Variants in ASAP1 observed in about 807,000 individuals in gnomAD.
The protein encoded by ASAP1 is arf-GAP with SH3 domain, ANK repeat and PH domain-containing protein 1.
Under a neutral mutation model 145.2 loss-of-function variants are expected in ASAP1, and 43 were observed. The observed-to-expected ratio is 0.30, with a 90% confidence interval of 0.23 to 0.38. ASAP1 has a LOEUF of 0.38. Ranked by LOEUF, ASAP1 falls within the 10% of genes least tolerant of loss-of-function variation. The probability of loss-of-function intolerance (pLI) is 1.00; values close to 1 mark genes in which losing one functional copy is unlikely to be tolerated. For synonymous variants in ASAP1, 546 were observed against 515.5 expected (o/e 1.06, Z -0.80); for missense variants, 1,018 against 1,355.3 (o/e 0.75, Z 3.91).
chr8:130,168,418 G>A (rs923281194), intron 10 of ASAP1, among the ~76,000 whole-genome samples: 8 of 152,198 alleles, frequency 5.3e-5, no homozygotes, highest in Admixed American at 3.9e-4. Context: ...GCCAAGGCGG[G>A]TGGATCACTT....
chr8:130,057,872 A>G, intron 29 of ASAP1, 82 bp downstream of exon 29: 3 of 1,564,856 alleles, frequency 1.9e-6, no homozygotes, highest in South Asian at 1.1e-5. Flanking sequence ...CTTTTACTGC[A>G]CTGTCTGTAG....
At chr8:130,319,977 T>C (rs1477156104) in intron 3 of ASAP1, among the ~76,000 whole-genome samples, 1 of 152,236 alleles carries the variant, frequency 6.6e-6, no homozygotes, top group Admixed American at 6.5e-5. Context: ...ATATAATGCA[T>C]AGAAAAGTAC....
chr8:130,153,332 A>AATATATATATATATATATATAT, intron 12 of ASAP1, among the ~76,000 whole-genome samples: 1 of 87,516 alleles, frequency 1.1e-5, no homozygotes, highest in Admixed American at 1.3e-4. Flanking sequence ...CTGCTTTTTA[A>AATATATATATATATATATATAT]ATATATATAT....
At chr8:130,134,195 G>C in intron 15 of ASAP1, 101 bp downstream of exon 15, 2 of 879,182 alleles carry the variant, frequency 2.3e-6, no homozygotes, top group Non-Finnish European at 1.7e-6. Flanking sequence ...GAGCCACCAG[G>C]CGAGGTTCTT....
intron 24 of ASAP1, among the ~76,000 whole-genome samples, chr8:130,098,349 A>G (rs35256608): frequency 0.39 from 59,877 of 151,910 alleles, 12,643 homozygotes; most frequent in East Asian, 0.62. Context: ...CTCATCTTTA[A>G]ACACTTTTTT....
rs78005882 is a variant in ASAP1 at position 130,267,896 on chromosome 8, T to C, written c.187-30902A>G. 5.1e-3 allele frequency among the ~76,000 whole-genome samples: 776 copies of C among 152,240 alleles called. 7 individuals carry two copies. Among genetic ancestry groups the C allele is most frequent in the African/African-American group, 0.017 (723 of 41,530 alleles). On this transcript the variant is annotated intron_variant, in intron 3 of 29. Coordinates refer to ENST00000518721, the MANE Select transcript of ASAP1 (RefSeq NM_018482.4). ...GAACTGGTAGGAGCAGCTGAAAAAG[T>C]AGTCTTTCCTAAAACCATGAACCTT...
intron 27 of ASAP1, among the ~76,000 whole-genome samples, chr8:130,071,009 G>GAGAGAGAGAGAGAGAGAGAGA: frequency 1.4e-4 from 1 of 7,012 alleles, no homozygotes; most frequent in African/African-American, 9.1e-4. Flanking sequence ...GAGGGGAGGG[G>GAGAGAGAGAGAGAGAGAGAGA]GGGAGAGAGA....
At chr8:130,380,150 G>C (rs1827699745) in intron 2 of ASAP1, among the ~76,000 whole-genome samples, 1 of 152,216 alleles carries the variant, frequency 6.6e-6, no homozygotes, top group Admixed American at 6.5e-5. Context: ...AGTACAAGGA[G>C]TCTATTTGGG....
At chr8:130,208,591 A>G (rs1279252468) in intron 5 of ASAP1, 1 of 152,194 alleles carries the variant, frequency 6.6e-6, no homozygotes, top group African/African-American at 2.4e-5. Context: ...CAGGGGTATA[A>G]AGAACGTGGA....
intron 3 of ASAP1, among the ~76,000 whole-genome samples, chr8:130,317,124 C>A (rs1823712847): frequency 6.8e-6 from 1 of 147,852 alleles, no homozygotes. Context: ...CTGTCTATAA[C>A]AAAACTTTTT....
intron 2 of ASAP1, among the ~76,000 whole-genome samples, chr8:130,393,081 C>T (rs1828361779): frequency 6.6e-6 from 1 of 152,078 alleles, no homozygotes; most frequent in Non-Finnish European, 1.5e-5. Context: ...TTTTTAATGG[C>T]TGCATTATTT....
chr8:130,063,991 C>A (rs1211822401), intron 27 of ASAP1, among the ~76,000 whole-genome samples: 1 of 151,936 alleles, frequency 6.6e-6, no homozygotes, highest in East Asian at 1.9e-4. Context: ...GAGTGACCAC[C>A]AAGGAGGGTG....
rs761952356 is a variant in ASAP1, at chr8:130,115,659, A to C, written c.2141T>G (p.Ile714Arg). 1 of 1,614,080 alleles carries C rather than the reference A, an allele frequency of 6.2e-7. No individual in the cohort carries two copies. Among genetic ancestry groups the C allele is most frequent in the Non-Finnish European group, 8.5e-7 (1 of 1,179,932 alleles). ...ATCCAGATCATCATCGCTCTCATCT[A>C]TCTCCTCCTGTCGAAGATTCCACTC... ...EYEWNLRQEEIDESDDDLDDK... is the reference protein window; with the variant it reads ...EYEWNLRQEERDESDDDLDDK... The change falls in exon 23 of 30, where the codon ATA (isoleucine) becomes AGA (arginine). Residue 714 changes from isoleucine to arginine, a missense_variant. Physicochemically the swap from Ile to Arg is moderately conservative, Grantham distance 97 (BLOSUM62 -3). This residue lies in a region of ASAP1 where 353 missense variants were observed against 375.4 expected (regional missense o/e 0.94). Coordinates refer to ENST00000518721, the MANE Select transcript of ASAP1 (RefSeq NM_018482.4).
In ASAP1 at chr8:130,330,029, T is replaced by G. The variant is rs73409369; in HGVS notation, c.186+27988A>C. Among the ~76,000 whole-genome samples, 1,431 of 152,334 alleles carry G rather than the reference T, an allele frequency of 9.4e-3. 21 individuals are homozygous for G. Among genetic ancestry groups the G allele is most frequent in the African/African-American group, 0.033 (1,386 of 41,556 alleles). On this transcript the variant is annotated intron_variant, in intron 3 of 29. Transcript: ENST00000518721. ...CTTTCAGGGAGAGACAGTTGTAATC[T>G]AATTCCTCAATTTGTCAAACAGGAC...
At position 130,130,713 on chromosome 8, in the gene ASAP1, T is replaced by G. The variant is rs1199820837; in HGVS notation, c.1218-2623A>C. Among the ~76,000 whole-genome samples the G allele has an allele frequency of 2.6e-5, 4 of 152,322 alleles. No individual in the cohort carries two copies. The South Asian group carries it at 8.3e-4, about 32-fold the overall frequency. ...TGCAATCGAGGTATATAATCCCATC[T>G]TACTGATGAGAAGACTGAAGCCAGA... On this transcript the variant is annotated intron_variant, in intron 15 of 29. Coordinates refer to ENST00000518721, the MANE Select transcript of ASAP1 (RefSeq NM_018482.4).
At chr8:130,087,112 A>G (rs1160863986) in intron 25 of ASAP1, among the ~76,000 whole-genome samples, 1 of 152,190 alleles carries the variant, frequency 6.6e-6, no homozygotes, top group Non-Finnish European at 1.5e-5. Flanking sequence ...TGTGATCATC[A>G]GCAGAGCCAA....
intron 27 of ASAP1, among the ~76,000 whole-genome samples, chr8:130,073,148 G>A (rs1451561802): frequency 6.6e-6 from 1 of 151,994 alleles, no homozygotes; most frequent in Non-Finnish European, 1.5e-5. Context: ...TTTCCACATT[G>A]GGAGGCTGAG....
At chr8:130,324,885 T>C (rs757010683) in intron 3 of ASAP1, among the ~76,000 whole-genome samples, 1 of 152,136 alleles carries the variant, frequency 6.6e-6, no homozygotes, top group South Asian at 2.1e-4. Flanking sequence ...CATGAGCATC[T>C]GGTGCAAGAA....
intron 3 of ASAP1, among the ~76,000 whole-genome samples, chr8:130,280,486 T>C (rs558766980): frequency 6.6e-6 from 1 of 152,220 alleles, no homozygotes; most frequent in African/African-American, 2.4e-5. Context: ...TCTGCCACAG[T>C]AGAGAGCAGT....
Sources: allele counts gnomAD v4.1 joint callset (sites outside exome capture counted in the v4.1 genomes callset), GRCh38; gene constraint gnomAD v4.1.1; regional missense constraint gnomAD v4.1.1; transcripts MANE v1.5; gene names NCBI Gene and HGNC (gene_info 2026-07-23, HGNC 2026-07-21).